GBE1: variants seen among roughly 807,000 people sequenced by gnomAD.
GBE1 encodes 1,4-alpha-glucan-branching enzyme.
A neutral mutation model predicts 88.8 loss-of-function variants in GBE1; 70 were observed. The observed-to-expected ratio is 0.79, with a 90% CI of 0.65 to 0.96. The LOEUF (loss-of-function observed/expected upper bound fraction) is 0.96, where lower values mean the gene tolerates loss of function less well. GBE1 is among the 40% of genes least tolerant of loss of function. The pLI, the probability that GBE1 is intolerant of heterozygous loss-of-function variation, is 0.00. For missense variants in GBE1, 872 were observed against 871.0 expected, an observed-to-expected ratio of 1.00 and a Z score of -0.01; for synonymous variants, 284 against 300.1, an observed-to-expected ratio of 0.95 and a Z score of 0.56.
At chr3:81,623,093 T>G (rs1234668558) in intron 7 of GBE1, among the ~76,000 whole-genome samples, 1 of 152,188 alleles carries the variant, frequency 6.6e-6, no homozygotes, top group Non-Finnish European at 1.5e-5. Context: ...CAGCTCCCCA[T>G]CAAACACAGA....
At chr3:81,573,456 C>T (rs915425083) in intron 12 of GBE1, among the ~76,000 whole-genome samples, 1 of 152,204 alleles carries the variant, frequency 6.6e-6, no homozygotes, top group African/African-American at 2.4e-5. Context: ...ACAGCATTTT[C>T]TGCTTATCTG....
At chr3:81,589,475 C>T (rs1356609832) in intron 9 of GBE1, among the ~76,000 whole-genome samples, 3 of 147,686 alleles carry the variant, frequency 2.0e-5, no homozygotes, top group Non-Finnish European at 4.5e-5. Context: ...AAGTAGTTTT[C>T]AATTTAAGTG....
At chr3:81,646,607 T>C (rs549528545) in intron 5 of GBE1, 125 bp from the exon 6 acceptor site, 4 of 607,984 alleles carry the variant, frequency 6.6e-6, no homozygotes, top group African/African-American at 5.8e-5. Context: ...TTGGTCGTCT[T>C]GAAAAGTTCT....
At chr3:81,647,148 G>T (rs2107068034) in intron 5 of GBE1, among the ~76,000 whole-genome samples, 1 of 151,980 alleles carries the variant, frequency 6.6e-6, no homozygotes, top group East Asian at 1.9e-4. Flanking sequence ...GGTAGAGATG[G>T]GGTTTCACCA....
At chr3:81,726,848 A>G (rs1575767869) in intron 1 of GBE1, among the ~76,000 whole-genome samples, 1 of 152,096 alleles carries the variant, frequency 6.6e-6, no homozygotes, top group South Asian at 2.1e-4. Flanking sequence ...CCAAAATGCT[A>G]GGATTATAGG....
At chr3:81,560,847 T>A (rs1703406144) in intron 12 of GBE1, among the ~76,000 whole-genome samples, 1 of 152,036 alleles carries the variant, frequency 6.6e-6, no homozygotes, top group African/African-American at 2.4e-5. Context: ...AATAGTATAG[T>A]CTTTTTTTGT....
At chr3:81,668,223 G>C (rs1426775531) in intron 3 of GBE1, among the ~76,000 whole-genome samples, 4 of 152,022 alleles carry the variant, frequency 2.6e-5, no homozygotes, top group Non-Finnish European at 1.5e-5. Flanking sequence ...GTGGGGTGGG[G>C]GTGAAGGGAG....
chr3:81,750,618 T>C (rs1197669610), intron 1 of GBE1, among the ~76,000 whole-genome samples: 4 of 65,142 alleles, frequency 6.1e-5, no homozygotes, highest in East Asian at 3.1e-3. Context: ...TATATATATG[T>C]ATATATATAT....
chr3:81,613,769 C>T (rs1704212044), intron 7 of GBE1, among the ~76,000 whole-genome samples: 1 of 152,102 alleles, frequency 6.6e-6, no homozygotes. Context: ...ATCAGCAGAA[C>T]CTGTAGGGTC....
chr3:81,647,097 C>CA (rs1704776663), intron 5 of GBE1, among the ~76,000 whole-genome samples: 1 of 151,910 alleles, frequency 6.6e-6, no homozygotes, highest in African/African-American at 2.4e-5. Flanking sequence ...GCTGGAACTA[C>CA]AGGTGCGTGC....
chr3:81,728,876 T>C (rs1207300554), intron 1 of GBE1, among the ~76,000 whole-genome samples: 1 of 151,846 alleles, frequency 6.6e-6, no homozygotes, highest in Non-Finnish European at 1.5e-5. Context: ...CTATCAAGTA[T>C]CGTCCATCTG....
intron 7 of GBE1, chr3:81,612,284 C>T: frequency 1.5e-6 from 1 of 685,736 alleles, no homozygotes; most frequent in South Asian, 1.9e-5. Context: ...CCTCTTCCTG[C>T]TGGCTTTATT....
At position 81,646,189 on chromosome 3, in the gene GBE1, G is replaced by A. The variant is rs543224479; in HGVS notation, c.782+203C>T. On this transcript the variant is annotated intron_variant, in intron 6 of 15. Coordinates refer to ENST00000429644, the MANE Select transcript of GBE1 (RefSeq NM_000158.4). ...CATTCTATATCACAAATCATCCCAC[G>A]AGGAGTAACATAAAATCAAGGACAA... Among the ~76,000 whole-genome samples, 17 of 152,252 alleles carry A rather than the reference G, an allele frequency of 1.1e-4. 1 individual carries two copies. In the South Asian group the frequency reaches 2.9e-3, roughly 26 times the overall value.
At chr3:81,666,727 C>T (rs1285768186) in intron 3 of GBE1, among the ~76,000 whole-genome samples, 1 of 152,160 alleles carries the variant, frequency 6.6e-6, no homozygotes, top group African/African-American at 2.4e-5. Flanking sequence ...TTCACTGCCA[C>T]AAACATATCA....
chr3:81,683,681 CCTATAAGGAA>C (rs1281032647), intron 2 of GBE1, among the ~76,000 whole-genome samples: 1 of 152,082 alleles, frequency 6.6e-6, no homozygotes, highest in Non-Finnish European at 1.5e-5. Context: ...CTGAATGAGA[CCTATAAGGAA>C]CACAGATCTG....
intron 15 of GBE1, among the ~76,000 whole-genome samples, chr3:81,494,550 A>C (rs1702477823): frequency 6.6e-6 from 1 of 152,222 alleles, no homozygotes; most frequent in Admixed American, 6.5e-5. Context: ...ATTCATGATA[A>C]TATGCATGCT....
chr3:81,720,774 C>T (rs1706016299), intron 1 of GBE1, among the ~76,000 whole-genome samples: 1 of 151,460 alleles, frequency 6.6e-6, no homozygotes, highest in South Asian at 2.1e-4. Flanking sequence ...CGGCACTATT[C>T]ACAATAGCAA....
intron 1 of GBE1, among the ~76,000 whole-genome samples, chr3:81,725,328 T>C (rs1258854716): frequency 6.6e-6 from 1 of 152,134 alleles, no homozygotes; most frequent in Non-Finnish European, 1.5e-5. Flanking sequence ...ATTTTTATTT[T>C]CTTTCCTTAT....
At chr3:81,730,965 T>C (rs1352868044) in intron 1 of GBE1, among the ~76,000 whole-genome samples, 1 of 152,184 alleles carries the variant, frequency 6.6e-6, no homozygotes. Flanking sequence ...TAACCGGTTT[T>C]ACATCACTTG....
Sources: allele counts gnomAD v4.1 joint callset (sites outside exome capture counted in the v4.1 genomes callset), GRCh38; gene constraint gnomAD v4.1.1; transcripts MANE v1.5; gene names NCBI Gene and HGNC (gene_info 2026-07-23, HGNC 2026-07-21).